Variants in SHROOM2 observed in about 807,000 individuals in gnomAD.
SHROOM2 encodes the protein protein Shroom2.
Under a neutral mutation model 75.9 loss-of-function variants are expected in SHROOM2, and 33 were observed. The observed-to-expected ratio is 0.43, with a 90% CI of 0.33 to 0.58. The LOEUF is 0.58. Among genes scored for constraint, SHROOM2 ranks in the 20% least tolerant of loss-of-function variants. SHROOM2 has a pLI of 0.04. For missense variants in SHROOM2, 1,434 were observed against 1,461.2 expected (o/e 0.98, Z 0.30); for synonymous variants, 655 against 663.6 (o/e 0.99, Z 0.20).
At chrX:9,898,812 A>G (rs891135703) in intron 5 of SHROOM2, among the ~76,000 whole-genome samples, 1 of 112,003 alleles carries the variant, frequency 8.9e-6, no homozygotes, top group African/African-American at 3.2e-5. Context: ...AAATCGAGTT[A>G]GTCACCTCCC....
At chrX:9,910,095 G>GA (rs1200059436) in intron 5 of SHROOM2, among the ~76,000 whole-genome samples, 3 of 110,537 alleles carry the variant, frequency 2.7e-5, no homozygotes, top group African/African-American at 9.9e-5. Context: ...TTCAACATAG[G>GA]AATTTGGGGG....
intron 5 of SHROOM2, among the ~76,000 whole-genome samples, chrX:9,915,933 C>G (rs369241859): frequency 1.8e-5 from 2 of 111,739 alleles, no homozygotes; most frequent in Non-Finnish European, 1.9e-5. Flanking sequence ...AGCTGATATG[C>G]TATTCTAACT....
intron 2 of SHROOM2, among the ~76,000 whole-genome samples, chrX:9,890,642 C>T (rs761485191): frequency 1.8e-5 from 2 of 111,527 alleles, no homozygotes; most frequent in Non-Finnish European, 3.8e-5. Flanking sequence ...TTGCGGTCCC[C>T]AAGCCCCCTG....
chrX:9,790,508 A>G (rs943814163), intron 1 of SHROOM2, among the ~76,000 whole-genome samples: 7 of 111,610 alleles, frequency 6.3e-5, no homozygotes, highest in Non-Finnish European at 1.3e-4. Context: ...TGCGGTCAAC[A>G]TCTGCACGAG....
intron 5 of SHROOM2, among the ~76,000 whole-genome samples, chrX:9,905,827 C>A (rs569233108): frequency 8.9e-6 from 1 of 111,958 alleles, no homozygotes; most frequent in Admixed American, 9.5e-5. Context: ...CAGGACTCCC[C>A]TGTAAATGAT....
intron 8 of SHROOM2, among the ~76,000 whole-genome samples, chrX:9,940,538 T>G (rs2084759958): frequency 9.0e-6 from 1 of 111,561 alleles, no homozygotes; most frequent in Non-Finnish European, 1.9e-5. Context: ...CAAGTGTGAG[T>G]TGGGCACCTG....
At chrX:9,914,793 G>C (rs1161232694) in intron 5 of SHROOM2, among the ~76,000 whole-genome samples, 1 of 112,081 alleles carries the variant, frequency 8.9e-6, no homozygotes, top group East Asian at 2.8e-4. Flanking sequence ...AGTTAGTGAA[G>C]AGCCCTCGTG....
At chrX:9,879,647 A>G (rs779051464) in intron 2 of SHROOM2, among the ~76,000 whole-genome samples, 1 of 112,666 alleles carries the variant, frequency 8.9e-6, no homozygotes, top group African/African-American at 3.2e-5. Flanking sequence ...AGTTACTTCT[A>G]TTGGGGTTTT....
chrX:9,855,463 A>AT (rs910865593), intron 1 of SHROOM2, among the ~76,000 whole-genome samples: 14 of 110,138 alleles, frequency 1.3e-4, no homozygotes, highest in Non-Finnish European at 2.3e-4. Flanking sequence ...GGGGGCAGAA[A>AT]TTTTTTTTAT....
intron 5 of SHROOM2, among the ~76,000 whole-genome samples, chrX:9,901,696 T>C (rs1286137840): frequency 5.3e-5 from 6 of 112,193 alleles, no homozygotes; most frequent in African/African-American, 1.6e-4. Context: ...CACTGCCCCA[T>C]GAATGTGCTA....
Position 9,937,322 on chromosome X carries a change from G to C in SHROOM2, c.3776G>C (p.Arg1259Pro). The change falls in exon 7 of 10, where the codon CGC (arginine) becomes CCC (proline). Residue 1259 changes from arginine to proline, a missense_variant. Transcript: ENST00000380913. The part of the protein sequence containing the change: ...TLSTSEQFYS[R>P]FCLYTRQGAE... ...AGCACATCTGAGCAGTTCTACTCGC[G>C]CTTCTGTCTGTACACGCGGCAGGGT... 8.3e-7 allele frequency: 1 copy of C among 1,207,479 alleles called. No homozygotes were observed. Among genetic ancestry groups the C allele is most frequent in the Admixed American group, 2.2e-5 (1 of 45,617 alleles).
chrX:9,819,404 G>A, intron 1 of SHROOM2: 2 of 435,436 alleles, frequency 4.6e-6, no homozygotes, highest in Non-Finnish European at 8.3e-6. Context: ...CCTCAACCTT[G>A]GCAATCAGAC....
chrX:9,856,267 G>A (rs1331797473), intron 1 of SHROOM2, among the ~76,000 whole-genome samples: 1 of 110,850 alleles, frequency 9.0e-6, no homozygotes, highest in African/African-American at 3.3e-5. Flanking sequence ...TACCACTGAT[G>A]AGATGAGGAA....
At chrX:9,924,460 A>G (rs1326485887) in intron 5 of SHROOM2, among the ~76,000 whole-genome samples, 1 of 111,036 alleles carries the variant, frequency 9.0e-6, no homozygotes, top group East Asian at 2.8e-4. Context: ...GGCTCAAGCA[A>G]TCCTCCCGCT....
chrX:9,890,218 T>G (rs933140838), intron 2 of SHROOM2, among the ~76,000 whole-genome samples: 10 of 111,022 alleles, frequency 9.0e-5, no homozygotes, highest in Non-Finnish European at 1.7e-4. Flanking sequence ...AATACAGAAA[T>G]TAGCTGGGCG....
intron 1 of SHROOM2, among the ~76,000 whole-genome samples, chrX:9,850,620 C>G (rs760473295): frequency 9.0e-6 from 1 of 111,186 alleles, no homozygotes; most frequent in Non-Finnish European, 1.9e-5. Context: ...GAGTGGATCT[C>G]TTGAGCTCAG....
chrX:9,833,952 A>G (rs1205242769), intron 1 of SHROOM2, among the ~76,000 whole-genome samples: 3 of 111,390 alleles, frequency 2.7e-5, no homozygotes, highest in Non-Finnish European at 5.7e-5. Flanking sequence ...CAAAGGAAGG[A>G]TATGTTCCTC....
intron 1 of SHROOM2, among the ~76,000 whole-genome samples, chrX:9,812,580 A>G (rs1224799468): frequency 8.9e-6 from 1 of 112,221 alleles, no homozygotes; most frequent in Non-Finnish European, 1.9e-5. Flanking sequence ...AATTTTAGTC[A>G]GATTTATTTC....
chrX:9,797,298 T>C (rs1412681969), intron 1 of SHROOM2, among the ~76,000 whole-genome samples: 2 of 112,504 alleles, frequency 1.8e-5, no homozygotes, highest in African/African-American at 6.5e-5. Context: ...TTCATCAGCG[T>C]GGATCCCTGA....
Sources: gnomAD v4.1 joint callset for allele counts (sites outside exome capture counted in the v4.1 genomes callset) on GRCh38, gnomAD v4.1.1 for gene constraint, MANE v1.5 for transcripts, NCBI Gene and HGNC (gene_info 2026-07-23, HGNC 2026-07-21) for gene names.